Variants in RPH3AL observed in about 807,000 individuals in gnomAD.
RPH3AL encodes rabphilin 3A like (without C2 domains), also known as rab effector Noc2.
RPH3AL carries 38 observed loss-of-function variants against 43.1 expected under a neutral mutation model. The ratio of observed to expected loss-of-function variants is 0.88; its 90% CI spans 0.68 to 1.15. RPH3AL has a LOEUF of 1.15. RPH3AL is among the 50% of genes most tolerant of loss of function. The pLI is 0.00. For missense variants in RPH3AL, 462 were observed against 423.2 expected (o/e 1.09, Z -0.81); for synonymous variants, 189 against 176.3 (o/e 1.07, Z -0.57).
chr17:337,778 T>C (rs982139114), intron 1 of RPH3AL, among the ~76,000 whole-genome samples: 13 of 152,220 alleles, frequency 8.5e-5, no homozygotes, highest in African/African-American at 3.1e-4. Flanking sequence ...GGCAGGGGTT[T>C]TTTTTGTACC....
intron 6 of RPH3AL, among the ~76,000 whole-genome samples, chr17:280,900 G>A (rs1471978294): frequency 6.6e-6 from 1 of 152,160 alleles, no homozygotes. Context: ...CAGAATTGAA[G>A]GTGTTTTGTG....
rs1034548180 is a variant in RPH3AL at position 290,831 on chromosome 17, T to C, written c.352-8977A>G. Among the ~76,000 whole-genome samples, 5 of 152,296 alleles carry C rather than the reference T, an allele frequency of 3.3e-5. No homozygotes were observed. The highest frequency in any genetic ancestry group is 1.2e-4 in the African/African-American group (5 of 41,570). ...CACAGCACCCGCGGTCTGGAGTCAGTCACTGGCAGCCTCACACTCCTGGAC... is the reference window on the plus strand; with the variant it reads ...CACAGCACCCGCGGTCTGGAGTCAGCCACTGGCAGCCTCACACTCCTGGAC... On this transcript the variant is annotated intron_variant, in intron 5 of 9. Coordinates refer to ENST00000331302, the MANE Select transcript of RPH3AL (RefSeq NM_006987.4). This position sits in a 1 kb window ranked among gnomAD's most constrained non-coding sequence, Gnocchi z 4.2.
At chr17:241,687 T>G (rs55904681) in intron 7 of RPH3AL, among the ~76,000 whole-genome samples, 11,403 of 151,198 alleles carry the variant, frequency 0.075, 537 homozygotes, top group African/African-American at 0.11. Flanking sequence ...GAGATGAGGG[T>G]AAGTAGAAGA....
chr17:282,527 G>A (rs1213441356), intron 5 of RPH3AL, among the ~76,000 whole-genome samples: 2 of 152,214 alleles, frequency 1.3e-5, no homozygotes, highest in African/African-American at 2.4e-5. Context: ...CTGCTGATGT[G>A]CTGGGCCATC....
intron 5 of RPH3AL, among the ~76,000 whole-genome samples, chr17:310,954 T>C (rs2043630751): frequency 6.6e-6 from 1 of 152,100 alleles, no homozygotes; most frequent in Admixed American, 6.5e-5. Flanking sequence ...ATCATCTCCC[T>C]GGAGTCCCAG....
intron 6 of RPH3AL, among the ~76,000 whole-genome samples, chr17:261,180 C>G (rs1158640454): frequency 6.6e-6 from 1 of 152,194 alleles, no homozygotes; most frequent in Non-Finnish European, 1.5e-5. Flanking sequence ...AGCACAGGCT[C>G]CTCGAGGGTG....
At chr17:233,769 G>A (rs2041285190) in intron 7 of RPH3AL, among the ~76,000 whole-genome samples, 1 of 152,302 alleles carries the variant, frequency 6.6e-6, no homozygotes, top group African/African-American at 2.4e-5. Context: ...ATGCTGAAAG[G>A]GTGTCAGAGA....
Position 225,115 on chromosome 17 carries a change from GA to G in RPH3AL, c.614-5380del, listed in dbSNP as rs34369453. On this transcript the variant is annotated intron_variant, in intron 7 of 9. Transcript: ENST00000331302. This position sits in a 1 kb window ranked among gnomAD's most constrained non-coding sequence, Gnocchi z 4.4. ...GTACCCTAGAACTTAAAATATAATG[GA>G]AAAAAAAAAAAAAAGAGTGATGAGC... Among the ~76,000 whole-genome samples, 1,166 of 139,068 alleles carry G rather than the reference GA, an allele frequency of 8.4e-3. 7 individuals are homozygous for G. Among genetic ancestry groups the G allele is most frequent in the African/African-American group, 8.8e-3 (324 of 36,828 alleles). 91.2% of individuals were successfully genotyped at this position (139,068 alleles called of 152,430 possible).
chr17:317,235 C>G (rs1196595822), intron 5 of RPH3AL, among the ~76,000 whole-genome samples: 2 of 147,634 alleles, frequency 1.4e-5, no homozygotes, highest in South Asian at 4.4e-4. Context: ...AGTGCCTGTG[C>G]TCCACCTCCA....
chr17:235,393 ACAGGTCC>A lies in RPH3AL; in HGVS notation c.613+11711_613+11717del, dbSNP rs2041347941. 1.4e-5 allele frequency among the ~76,000 whole-genome samples: 2 copies of A among 144,872 alleles called. 1 individual carries two copies. Among genetic ancestry groups the A allele is most frequent in the African/African-American group, 5.3e-5 (2 of 38,044 alleles). ...TCGGCCGAGGCTCTACACTAACAAGACAGGTCCCGGGTTCAAAGCTGGGGTCGGCCGA... is the reference window on the plus strand; with the variant it reads ...TCGGCCGAGGCTCTACACTAACAAGACGGGTTCAAAGCTGGGGTCGGCCGA... On this transcript the variant is annotated intron_variant, in intron 7 of 9. Transcript: ENST00000331302.
chr17:231,620 T>A (rs984165459), intron 7 of RPH3AL, among the ~76,000 whole-genome samples: 4 of 152,078 alleles, frequency 2.6e-5, no homozygotes, highest in African/African-American at 9.7e-5. Flanking sequence ...CGGCTGGAGA[T>A]GGACGTGCTT....
intron 6 of RPH3AL, among the ~76,000 whole-genome samples, chr17:257,669 C>T (rs1422861980): frequency 1.6e-4 from 7 of 43,626 alleles, no homozygotes; most frequent in African/African-American, 8.5e-4. Context: ...AGCCGCACGG[C>T]GTCTGTCCTT....
chr17:243,168 T>C (rs2041620886), intron 7 of RPH3AL, among the ~76,000 whole-genome samples: 1 of 135,816 alleles, frequency 7.4e-6, no homozygotes, highest in African/African-American at 2.7e-5. Flanking sequence ...ATTACCTTCC[T>C]CTATTGATTA....
intron 5 of RPH3AL, among the ~76,000 whole-genome samples, chr17:316,140 TGTGCTCCACCTCCATTGACCTGTAGTC>T (rs1286593752): frequency 1.3e-5 from 2 of 149,144 alleles, no homozygotes; most frequent in African/African-American, 4.9e-5. Flanking sequence ...CTGCAGTCCC[TGTGCTCCACCTCCATTGACCTGTAGTC>T]CCTGTGCTCC....
At chr17:302,559 C>T (rs754062789) in intron 5 of RPH3AL, among the ~76,000 whole-genome samples, 5 of 152,024 alleles carry the variant, frequency 3.3e-5, no homozygotes, top group Admixed American at 6.5e-5. Context: ...AGGAGAGATT[C>T]GGACCCCAGG....
rs147449935 is a variant in RPH3AL, at chr17:274,302, C to T, written c.438+7466G>A. Reference sequence around the variant, plus strand: ...AGGGGATGAGGCGGGAGACGGGAGGCGTGCCATGGACCACCTGGGCCTCGC... The same window carrying T: ...AGGGGATGAGGCGGGAGACGGGAGGTGTGCCATGGACCACCTGGGCCTCGC... On this transcript the variant is annotated intron_variant, in intron 6 of 9. Transcript: ENST00000331302. This position sits in a 1 kb window ranked among gnomAD's most constrained non-coding sequence, Gnocchi z 4.7. Among the ~76,000 whole-genome samples, 881 of 152,304 alleles carry T rather than the reference C, an allele frequency of 5.8e-3. 12 individuals carry two copies. Among genetic ancestry groups the T allele is most frequent in the African/African-American group, 0.02 (839 of 41,558 alleles).
chr17:219,542 T>TTTTTTTTTTTGTTG, intron 8 of RPH3AL, 81 bp downstream of exon 8: 1 of 374,904 alleles, frequency 2.7e-6, no homozygotes, highest in Non-Finnish European at 5.1e-6. Flanking sequence ...TTTTTTTTTT[T>TTTTTTTTTTTGTTG]GAGATGGAGT....
At chr17:324,681 T>TTCTATCTAGCTATCTATCTATCTA (rs1555525129) in intron 3 of RPH3AL, among the ~76,000 whole-genome samples, 2 of 130,056 alleles carry the variant, frequency 1.5e-5, no homozygotes, top group Non-Finnish European at 3.4e-5. Flanking sequence ...CTTTCTATCT[T>TTCTATCTAGCTATCTATCTATCTA]TCTATCTATC....
intron 6 of RPH3AL, among the ~76,000 whole-genome samples, chr17:276,360 T>C (rs1261463140): frequency 6.6e-6 from 1 of 152,214 alleles, no homozygotes; most frequent in South Asian, 2.1e-4. Flanking sequence ...TGGTTTCTAT[T>C]CCTTCTCTTA....
Sources: gnomAD v4.1 joint callset for allele counts (sites outside exome capture counted in the v4.1 genomes callset) on GRCh38, gnomAD v4.1.1 for gene constraint, Gnocchi (gnomAD v3.1) non-coding constraint, MANE v1.5 for transcripts, NCBI Gene and HGNC (gene_info 2026-07-23, HGNC 2026-07-21) for gene names.